The following TAGLN2 variants were observed in gnomAD, a reference collection of about 807,000 sequenced individuals.
TAGLN2 encodes transgelin 2, also known as transgelin-2.
A neutral mutation model predicts 24.9 loss-of-function variants in TAGLN2; 14 were observed. That is an observed-to-expected ratio of 0.56 (90% CI 0.37 to 0.88). The LOEUF is 0.88. Ranked by LOEUF, TAGLN2 falls within the 40% of genes least tolerant of loss-of-function variation. The pLI, the probability that TAGLN2 is intolerant of heterozygous loss-of-function variation, is 0.00. For missense variants in TAGLN2, 208 were observed against 258.9 expected, an observed-to-expected ratio of 0.80 and a Z score of 1.35; for synonymous variants, 77 against 98.2, an observed-to-expected ratio of 0.78 and a Z score of 1.28.
intron 3 of TAGLN2, 124 bp from the exon 4 acceptor site, chr1:159,919,500 T>C: frequency 7.6e-7 from 1 of 1,316,338 alleles, no homozygotes; most frequent in Non-Finnish European, 1.1e-6. Flanking sequence ...CATACCCTTC[T>C]CCATTCCAGC....
chr1:159,919,116 C>T (rs756743513), intron 4 of TAGLN2, 158 bp downstream of exon 4: 1 of 1,260,290 alleles, frequency 7.9e-7, no homozygotes, highest in Non-Finnish European at 1.1e-6. Context: ...AGTCATTTGC[C>T]ATCCCAGAGG....
Position 159,919,779 on chromosome 1 carries a change from C to T in TAGLN2, c.237G>A (p.Lys79=), listed in dbSNP as rs762059222. The T allele has an allele frequency of 4.3e-6, 7 of 1,614,120 alleles. No individual in the cohort carries two copies. Among genetic ancestry groups the T allele is most frequent in the Non-Finnish European group, 5.1e-6 (6 of 1,180,000 alleles). ...TGAAGGCCATGGTGGAGGCCTGGAT[C>T]TTCTTTACTGGGGCCTGCCCCTCGG... ...LYPEGQAPVK[K]IQASTMAFKQ... is the part of the protein sequence containing the mutation. Residue 79 remains lysine, a synonymous_variant, in exon 3 of 5, where the codon AAG becomes AAA. Coordinates refer to ENST00000368097, the MANE Select transcript of TAGLN2 (RefSeq NM_003564.3).
chr1:159,919,625 C>T lies in TAGLN2; in HGVS notation c.355+36G>A, dbSNP rs565818534. Reference sequence around the variant, plus strand: ...AGGGCCCAGCCCAATCTCTGGCCTCCTGGATGACAGGACCCAGCCCCTCGC... The same window carrying T: ...AGGGCCCAGCCCAATCTCTGGCCTCTTGGATGACAGGACCCAGCCCCTCGC... On this transcript the variant is annotated intron_variant, in intron 3 of 4. Coordinates refer to ENST00000368097, the MANE Select transcript of TAGLN2 (RefSeq NM_003564.3). 7 of 1,604,824 alleles carry T rather than the reference C, an allele frequency of 4.4e-6. No individual in the cohort carries two copies. In the African/African-American group the frequency reaches 8.0e-5, roughly 18 times the overall value.
At chr1:159,923,463 G>T in intron 1 of TAGLN2, 2 of 1,550,084 alleles carry the variant, frequency 1.3e-6, no homozygotes, top group Non-Finnish European at 1.7e-6. Context: ...CAAAGAAAAG[G>T]CGGACATGGG....
chr1:159,919,763 T>C lies in TAGLN2; in HGVS notation c.253A>G (p.Met85Val), dbSNP rs776901495. 4.2e-5 allele frequency: 68 copies of C among 1,613,928 alleles called. No homozygotes were observed. Among genetic ancestry groups the C allele is most frequent in the South Asian group, 9.9e-5 (9 of 91,076 alleles). Residue 85 changes from methionine to valine, a missense_variant, in exon 3 of 5, where the codon ATG (methionine) becomes GTG (valine). By Grantham distance (21) the Met-to-Val change is conservative. Transcript: ENST00000368097. ...APVKKIQAST[M>V]AFKQMEQISQ... is the part of the protein sequence containing the mutation. ...ATCTGCTCCATCTGCTTGAAGGCCA[T>C]GGTGGAGGCCTGGATCTTCTTTACT...
chr1:159,920,410 T>A lies in TAGLN2; in HGVS notation c.100A>T (p.Ile34Phe). 1.2e-6 allele frequency: 2 copies of A among 1,614,120 alleles called. No homozygotes were observed. Among genetic ancestry groups the A allele is most frequent in the African/African-American group, 2.7e-5 (2 of 75,058 alleles). The change falls in exon 2 of 5, where the codon ATC becomes TTC. Residue 34 changes from isoleucine to phenylalanine, a missense_variant. Coordinates refer to ENST00000368097, the MANE Select transcript of TAGLN2 (RefSeq NM_003564.3). ...ADLEQILIQW[I>F]TTQCRKDVGR... ...ACATCCTTTCGGCACTGGGTGGTGA[T>A]CCACTGGATCAGGATCTGCTCCAGA... is the stretch of plus-strand genomic sequence containing the variant.
At chr1:159,922,245 G>A (rs1388725836) in intron 1 of TAGLN2, among the ~76,000 whole-genome samples, 1 of 152,200 alleles carries the variant, frequency 6.6e-6, no homozygotes, top group East Asian at 1.9e-4. Flanking sequence ...CTCCCGTCCC[G>A]ACTCCAACAT....
At position 159,918,883 on chromosome 1, in the gene TAGLN2, C is replaced by A. The variant is rs374231815; in HGVS notation, c.517G>T (p.Val173Leu). ...TTGGTGCCCATCTGTAACCCGATCA[C>A]GTTCTTGCCCTCTTGCAGCTGGTTA... is the stretch of plus-strand genomic sequence containing the variant. ...SDNQLQEGKN[V>L]IGLQMGTNRG... Residue 173 changes from valine (V) to leucine (L), a missense_variant, in exon 5 of 5, where the codon GTG becomes TTG. Physicochemically the swap from Val to Leu is conservative, Grantham distance 32. Transcript: ENST00000368097. 1 of 1,614,260 alleles carries A rather than the reference C, an allele frequency of 6.2e-7. No individual in the cohort carries two copies. The highest frequency in any genetic ancestry group is 1.1e-5 in the South Asian group (1 of 91,092).
chr1:159,924,251 T>TG (rs1650631146), intron 1 of TAGLN2, among the ~76,000 whole-genome samples: 4 of 152,188 alleles, frequency 2.6e-5, no homozygotes, highest in Admixed American at 6.5e-5. Flanking sequence ...GGTTCTGGAA[T>TG]GGTAGGGCCC....
chr1:159,920,624 C>T (rs1228551572), intron 1 of TAGLN2, 87 bp from the exon 2 acceptor site: 2 of 1,505,694 alleles, frequency 1.3e-6, no homozygotes, highest in South Asian at 1.3e-5. Flanking sequence ...CAGGGATATA[C>T]ACCATTTCCC....
intron 1 of TAGLN2, among the ~76,000 whole-genome samples, chr1:159,922,793 C>T (rs1650575853): frequency 6.6e-6 from 1 of 152,240 alleles, no homozygotes; most frequent in Non-Finnish European, 1.5e-5. Flanking sequence ...AAGCCAGACA[C>T]TTCCAGTGCC....
rs1650420931 is a variant in TAGLN2, at chr1:159,918,648, C to T, written c.*152G>A. On this transcript the variant is annotated 3_prime_UTR_variant, in exon 5 of 5. Coordinates refer to ENST00000368097, the MANE Select transcript of TAGLN2 (RefSeq NM_003564.3). ...GCATGGGGGAGAGGATGCCAGCAGG[C>T]ACCTCAGAGGTGACAGGACAGGCTG... 1.9e-6 allele frequency: 2 copies of T among 1,046,558 alleles called. No individual in the cohort carries two copies. The highest frequency in any genetic ancestry group is 1.6e-5 in the African/African-American group (1 of 62,864). 64.8% of individuals were successfully genotyped at this position (1,046,558 alleles called of 1,614,324 possible).
Position 159,920,377 on chromosome 1 carries a change from G to T in TAGLN2, c.133C>A (p.Pro45Thr). 1 of 1,614,226 alleles carries T rather than the reference G, an allele frequency of 6.2e-7. No individual in the cohort carries two copies. The highest frequency in any genetic ancestry group is 8.5e-7 in the Non-Finnish European group (1 of 1,180,040). Residue 45 changes from proline (P) to threonine (T), a missense_variant, in exon 2 of 5, where the codon CCC becomes ACC. By Grantham distance (38) the Pro-to-Thr change is conservative. Coordinates refer to ENST00000368097, the MANE Select transcript of TAGLN2 (RefSeq NM_003564.3). ...TTQCRKDVGR[P>T]QPGRENFQNW... is the part of the protein sequence containing the mutation. The stretch of plus-strand genomic sequence containing the variant: ...TGGAAGTTCTCGCGTCCAGGCTGGG[G>T]CCGGCCCACATCCTTTCGGCACTGG...
chr1:159,918,805 G>C lies in TAGLN2; in HGVS notation c.595C>G (p.Leu199Val), dbSNP rs11556957. 5.0e-6 allele frequency: 8 copies of C among 1,614,020 alleles called. 1 individual carries two copies. In the East Asian group the frequency reaches 1.8e-4, roughly 36 times the overall value. Residue 199 changes from leucine to valine, a missense_variant, in exon 5 of 5, where the codon CTC (leucine) becomes GTC (valine). By Grantham distance (32) the Leu-to-Val change is conservative. Transcript: ENST00000368097. ...GGGCAAGGCCTGGGGTGGGATCAGA[G>C]GATCTGGCGTGGCATCCCGTAGCCA... The part of the protein sequence containing the change: ...MTGYGMPRQI[L>V]
Position 159,918,921 on chromosome 1 carries a change from C to G in TAGLN2, c.479G>C (p.Arg160Pro). ...TTGCAGCTGGTTATCCGAGAAGTTC[C>G]GAGGATTCTCCTTGGATTTCCTGGG... Reference protein sequence around the residue: ...WFPKKSKENPRNFSDNQLQEG... With the variant: ...WFPKKSKENPPNFSDNQLQEG... The change falls in exon 5 of 5, where the codon CGG (arginine) becomes CCG (proline). Residue 160 changes from arginine to proline, a missense_variant. Arg to Pro is a moderately radical substitution (Grantham distance 103). Transcript: ENST00000368097. 1 of 1,614,162 alleles carries G rather than the reference C, an allele frequency of 6.2e-7. No individual in the cohort carries two copies. The highest frequency in any genetic ancestry group is 1.1e-5 in the South Asian group (1 of 91,084).
chr1:159,922,008 G>A (rs973698591), intron 1 of TAGLN2, among the ~76,000 whole-genome samples: 4 of 152,344 alleles, frequency 2.6e-5, no homozygotes, highest in Admixed American at 6.5e-5. Context: ...AGGCATCTGC[G>A]TTCAAGGGGA....
chr1:159,919,248 C>G (rs1157722377), intron 4 of TAGLN2, 26 bp downstream of exon 4: 1 of 1,601,602 alleles, frequency 6.2e-7, no homozygotes, highest in Non-Finnish European at 8.6e-7. Flanking sequence ...CCTGCTGGAC[C>G]CTGCGGCTGT....
intron 1 of TAGLN2, among the ~76,000 whole-genome samples, chr1:159,922,591 A>AAG (rs1331959966): frequency 2.0e-5 from 3 of 152,186 alleles, no homozygotes; most frequent in Non-Finnish European, 2.9e-5. Flanking sequence ...GGAAGGGGCT[A>AAG]AGAGCTACTA....
rs1650456032 is a variant in TAGLN2 at position 159,919,529 on chromosome 1, C to T, written c.355+132G>A. ...TTCCAGCCTCCAATATGACCAAGTG[C>T]TCCATGGAACACAAACACACCCCTC... On this transcript the variant is annotated intron_variant, in intron 3 of 4. Transcript: ENST00000368097. 8 of 1,328,652 alleles carry T rather than the reference C, an allele frequency of 6.0e-6. No individual in the cohort carries two copies. In the East Asian group the frequency reaches 1.6e-4, roughly 27 times the overall value. 82.3% of individuals were successfully genotyped at this position (1,328,652 alleles called of 1,614,324 possible).
Sources: allele counts gnomAD v4.1 joint callset (sites outside exome capture counted in the v4.1 genomes callset), GRCh38; gene constraint gnomAD v4.1.1; transcripts MANE v1.5; gene names NCBI Gene and HGNC (gene_info 2026-07-23, HGNC 2026-07-21).